The following TMEM164 variants were observed in gnomAD, a reference collection of about 807,000 sequenced individuals.
TMEM164 encodes the protein transmembrane protein 164, also known as RP13-360B22.2.
A neutral mutation model predicts 18.8 loss-of-function variants in TMEM164; 4 were observed. The ratio of observed to expected loss-of-function variants is 0.21; its 90% CI spans 0.10 to 0.49. The LOEUF is 0.49. TMEM164 is among the 20% of genes least tolerant of loss of function. TMEM164 has a pLI of 0.98. For missense variants in TMEM164, 108 were observed against 239.9 expected, an observed-to-expected ratio of 0.45 and a Z score of 3.63; for synonymous variants, 86 against 101.7, an observed-to-expected ratio of 0.85 and a Z score of 0.93.
intron 4 of TMEM164, among the ~76,000 whole-genome samples, chrX:110,129,574 T>C (rs1197075884): frequency 8.9e-6 from 1 of 112,823 alleles, no homozygotes; most frequent in Non-Finnish European, 1.9e-5. Flanking sequence ...GATTGAAAAA[T>C]AAAACAATTT....
At chrX:110,116,867 T>TG (rs1420290881) in intron 4 of TMEM164, among the ~76,000 whole-genome samples, 1 of 102,508 alleles carries the variant, frequency 9.8e-6, no homozygotes, top group African/African-American at 3.7e-5. Flanking sequence ...TGTGCGTGTG[T>TG]GTGTGTGTGG....
downstream of TMEM164, among the ~76,000 whole-genome samples, chrX:110,180,485 AC>A (rs1235561540): frequency 5.9e-5 from 6 of 101,617 alleles, no homozygotes; most frequent in African/African-American, 2.1e-4. Flanking sequence ...TACTGCCTGA[AC>A]CCCCCCGCCC....
At chrX:110,048,558 A>C (rs1161281037) in intron 2 of TMEM164, among the ~76,000 whole-genome samples, 1 of 109,912 alleles carries the variant, frequency 9.1e-6, no homozygotes, top group African/African-American at 3.3e-5. Context: ...TAGAGGGGCC[A>C]AGTTTTTTTT....
chrX:110,177,559 G>A lies in TMEM164; in HGVS notation c.*4108G>A, dbSNP rs1290959089. 8.9e-6 allele frequency: 1 copy of A among 112,443 alleles called. No homozygotes were observed. The highest frequency in any genetic ancestry group is 1.9e-5 in the Non-Finnish European group (1 of 53,275). 9.3% of individuals were successfully genotyped at this position (112,443 alleles called of 1,213,427 possible). ...CCCCCACCAGTTTGCTCACCTCTTG[G>A]GGCATTTTGTAATGTGTTTTCTCTG... On this transcript the variant is annotated 3_prime_UTR_variant, in exon 7 of 7. Coordinates refer to ENST00000372068, the MANE Select transcript of TMEM164 (RefSeq NM_032227.4).
intron 2 of TMEM164, among the ~76,000 whole-genome samples, chrX:110,039,025 A>G (rs1013490189): frequency 1.6e-4 from 18 of 111,874 alleles, no homozygotes; most frequent in Non-Finnish European, 2.8e-4. Context: ...TTTTGGTTCT[A>G]TCACTTGCTA....
At chrX:110,027,182 G>A (rs776741315) in intron 2 of TMEM164, among the ~76,000 whole-genome samples, 1 of 110,722 alleles carries the variant, frequency 9.0e-6, no homozygotes, top group African/African-American at 3.3e-5. Context: ...TTTTTTGTTG[G>A]TATTATTTAT....
At chrX:110,036,323 C>T (rs922519772) in intron 2 of TMEM164, among the ~76,000 whole-genome samples, 1 of 112,061 alleles carries the variant, frequency 8.9e-6, no homozygotes, top group Non-Finnish European at 1.9e-5. Flanking sequence ...GTGGAGTCCT[C>T]CCTAGTTCCT....
At position 110,148,329 on chromosome X, in the gene TMEM164, A is replaced by G. The variant is rs1015642656; in HGVS notation, c.586+3453A>G. Reference sequence around the variant, plus strand: ...GGAAATTTCCTCAACACTTCTCTCTACCTCTACAAGCTTCTTTACCCACAT... The same window carrying G: ...GGAAATTTCCTCAACACTTCTCTCTGCCTCTACAAGCTTCTTTACCCACAT... On this transcript the variant is annotated intron_variant, in intron 5 of 6. Coordinates refer to ENST00000372068, the MANE Select transcript of TMEM164 (RefSeq NM_032227.4). Among the ~76,000 whole-genome samples, 9 of 109,444 alleles carry G rather than the reference A, an allele frequency of 8.2e-5. No homozygotes were observed. The South Asian group carries it at 3.5e-3, about 43-fold the overall frequency.
At chrX:110,029,009 G>A (rs913605287) in intron 2 of TMEM164, among the ~76,000 whole-genome samples, 1 of 110,951 alleles carries the variant, frequency 9.0e-6, no homozygotes, top group Admixed American at 9.6e-5. Context: ...TCAATATAGG[G>A]GTCCCGTGGC....
intron 4 of TMEM164, among the ~76,000 whole-genome samples, chrX:110,110,410 T>C (rs2066274438): frequency 8.9e-6 from 1 of 112,172 alleles, no homozygotes; most frequent in Non-Finnish European, 1.9e-5. Context: ...ATACTGTACG[T>C]ACCTTATAAG....
intron 5 of TMEM164, among the ~76,000 whole-genome samples, chrX:110,150,997 G>A (rs73540280): frequency 0.11 from 12,147 of 111,619 alleles, 1,579 homozygotes; most frequent in African/African-American, 0.38. Context: ...TCCCTTTTAT[G>A]GAAGAGGAAA....
intron 3 of TMEM164, among the ~76,000 whole-genome samples, chrX:110,093,174 T>G (rs953464236): frequency 3.6e-5 from 4 of 111,876 alleles, no homozygotes; most frequent in Non-Finnish European, 7.5e-5. Flanking sequence ...AAATTCTCTT[T>G]TTTTGTTGTG....
chrX:110,007,732 C>G (rs1365103070), intron 2 of TMEM164, among the ~76,000 whole-genome samples: 1 of 112,331 alleles, frequency 8.9e-6, no homozygotes, highest in African/African-American at 3.2e-5. Context: ...GTTGTAAAGA[C>G]TGGTGGTCTT....
downstream of TMEM164, among the ~76,000 whole-genome samples, chrX:110,181,064 C>G (rs2067321986): frequency 9.0e-6 from 1 of 111,428 alleles, no homozygotes; most frequent in South Asian, 3.8e-4. Context: ...CAAGATACCT[C>G]TAGTACAGTG....
chrX:110,124,760 A>G (rs1435270369), intron 4 of TMEM164, among the ~76,000 whole-genome samples: 1 of 111,982 alleles, frequency 8.9e-6, no homozygotes, highest in Non-Finnish European at 1.9e-5. Context: ...CCCAGTTTCA[A>G]TGATTGTCAC....
chrX:110,136,969 G>A (rs2066699944), intron 4 of TMEM164, among the ~76,000 whole-genome samples: 1 of 111,628 alleles, frequency 9.0e-6, no homozygotes. Context: ...GAGGACCAGG[G>A]GTCCACCAAA....
intron 2 of TMEM164, among the ~76,000 whole-genome samples, chrX:110,064,639 C>A (rs927701643): frequency 9.1e-6 from 1 of 110,176 alleles, no homozygotes; most frequent in Admixed American, 9.8e-5. Context: ...AATAAATAAT[C>A]TTTCAATCAG....
chrX:110,098,502 A>T (rs1360974328), intron 3 of TMEM164, among the ~76,000 whole-genome samples: 5 of 111,296 alleles, frequency 4.5e-5, no homozygotes, highest in Non-Finnish European at 9.4e-5. Context: ...TTTTTATTAA[A>T]AAAAACCTTT....
chrX:110,123,834 A>G (rs2066485430), intron 4 of TMEM164, among the ~76,000 whole-genome samples: 1 of 111,586 alleles, frequency 9.0e-6, no homozygotes, highest in African/African-American at 3.3e-5. Flanking sequence ...ATAATTAGCC[A>G]GCCATGGTGG....
Sources: gnomAD v4.1 joint callset for allele counts (sites outside exome capture counted in the v4.1 genomes callset) on GRCh38, gnomAD v4.1.1 for gene constraint, MANE v1.5 for transcripts, NCBI Gene and HGNC (gene_info 2026-07-23, HGNC 2026-07-21) for gene names.